Variants in ATP8A2 observed in about 807,000 individuals in gnomAD.
ATP8A2 encodes phospholipid-transporting ATPase IB.
A neutral mutation model predicts 165.6 loss-of-function variants in ATP8A2; 100 were observed. That is an observed-to-expected ratio of 0.60 (90% CI 0.51 to 0.71). The LOEUF is 0.71. ATP8A2 is among the 30% of genes least tolerant of loss of function. The pLI is 0.00. For missense variants in ATP8A2, 1,227 were observed against 1,479.5 expected, an observed-to-expected ratio of 0.83 and a Z score of 2.80; for synonymous variants, 543 against 548.8, an observed-to-expected ratio of 0.99 and a Z score of 0.15.
At chr13:25,469,201 G>T in intron 2 of ATP8A2, 80 bp downstream of exon 2, 1 of 1,519,802 alleles carries the variant, frequency 6.6e-7, no homozygotes, top group Non-Finnish European at 8.9e-7. Flanking sequence ...GCGGGGCTTG[G>T]CCGCGCACCT....
At chr13:25,895,435 C>T (rs1339626731) in intron 33 of ATP8A2, among the ~76,000 whole-genome samples, 1 of 152,164 alleles carries the variant, frequency 6.6e-6, no homozygotes, top group African/African-American at 2.4e-5. Context: ...TTCGGTTTGC[C>T]AGTATTTTAT....
chr13:25,818,984 A>G (rs1290839947), intron 27 of ATP8A2, among the ~76,000 whole-genome samples: 1 of 152,200 alleles, frequency 6.6e-6, no homozygotes, highest in East Asian at 1.9e-4. Flanking sequence ...AGTTGAAGTG[A>G]TGCTTATTTG....
At chr13:25,834,820 A>G (rs1211727937) in intron 28 of ATP8A2, among the ~76,000 whole-genome samples, 1 of 152,104 alleles carries the variant, frequency 6.6e-6, no homozygotes, top group Non-Finnish European at 1.5e-5. Context: ...GACTACAGGC[A>G]CACACTCTCT....
intron 33 of ATP8A2, among the ~76,000 whole-genome samples, chr13:25,867,293 A>G (rs573650230): frequency 3.9e-5 from 6 of 152,324 alleles, no homozygotes; most frequent in African/African-American, 1.2e-4. Flanking sequence ...TTAATTCCTC[A>G]TCTTCTCCAA....
chr13:25,378,453 G>C lies in ATP8A2; in HGVS notation c.76+6165G>C, dbSNP rs756676706. Among the ~76,000 whole-genome samples the C allele has an allele frequency of 7.2e-4, 109 of 151,916 alleles. 1 individual carries two copies. Among genetic ancestry groups the C allele is most frequent in the Admixed American group, 2.1e-3 (32 of 15,272 alleles). ...TAGAAAAAGCTGCATTCAGGAATAT[G>C]GTAAAATATTGCAGGAAGATTTATG... is the stretch of plus-strand genomic sequence containing the variant. On this transcript the variant is annotated intron_variant, in intron 1 of 36. Coordinates refer to ENST00000381655, the MANE Select transcript of ATP8A2 (RefSeq NM_016529.6).
intron 33 of ATP8A2, among the ~76,000 whole-genome samples, chr13:25,910,032 G>T (rs759274081): frequency 2.2e-4 from 33 of 152,178 alleles, no homozygotes; most frequent in Non-Finnish European, 2.5e-4. Flanking sequence ...TGCCTGTCCC[G>T]TCATCTGCTG....
chr13:25,509,722 C>A (rs191082460), intron 2 of ATP8A2, among the ~76,000 whole-genome samples: 32 of 152,026 alleles, frequency 2.1e-4, no homozygotes, highest in African/African-American at 7.7e-4. Flanking sequence ...TAATATTCTC[C>A]TTCTGTGATT....
At chr13:25,797,840 T>C (rs1035175633) in intron 27 of ATP8A2, among the ~76,000 whole-genome samples, 5 of 152,032 alleles carry the variant, frequency 3.3e-5, no homozygotes, top group Non-Finnish European at 7.3e-5. Flanking sequence ...TTCATAAAAT[T>C]AAAAGTGTTG....
intron 2 of ATP8A2, among the ~76,000 whole-genome samples, chr13:25,516,783 C>CTTTTT (rs770018909): frequency 7.4e-6 from 1 of 135,890 alleles, no homozygotes; most frequent in East Asian, 2.1e-4. Context: ...TTCTTTCTTA[C>CTTTTT]TTTTTTTTTT....
chr13:25,873,177 A>G (rs1037545652), intron 33 of ATP8A2, among the ~76,000 whole-genome samples: 6 of 152,308 alleles, frequency 3.9e-5, no homozygotes, highest in African/African-American at 9.6e-5. Context: ...CCTGACTTCT[A>G]TTTTAGTCAC....
intron 1 of ATP8A2, chr13:25,468,750 G>A (rs1473499809): frequency 1.2e-6 from 1 of 830,344 alleles, no homozygotes; most frequent in Middle Eastern, 6.1e-4. Context: ...AGCGCCAGGG[G>A]CCGCGCGGGG....
chr13:25,868,547 CT>C (rs11313323), intron 33 of ATP8A2, among the ~76,000 whole-genome samples: 18,301 of 152,108 alleles, frequency 0.12, 1,450 homozygotes, highest in Non-Finnish European at 0.18. Flanking sequence ...CACATTCTGG[CT>C]TTTCAACTCA....
chr13:25,723,302 T>C (rs1329433533), intron 25 of ATP8A2, among the ~76,000 whole-genome samples: 1 of 152,240 alleles, frequency 6.6e-6, no homozygotes, highest in African/African-American at 2.4e-5. Context: ...ATCTACATTC[T>C]TGCCAAGACT....
Position 25,820,949 on chromosome 13 carries a change from GT to G in ATP8A2, c.2680-7158del, listed in dbSNP as rs965131348. ...TTTTGTTTATGTTGGCTTTGGGTTT[GT>G]TTTTTTTTTTCTCTACCAAGTAAAT... On this transcript the variant is annotated intron_variant, in intron 27 of 36. Transcript: ENST00000381655. Among the ~76,000 whole-genome samples, 35 of 144,718 alleles carry G rather than the reference GT, an allele frequency of 2.4e-4. 1 individual carries two copies. Among genetic ancestry groups the G allele is most frequent in the South Asian group, 6.6e-4 (3 of 4,580 alleles). 94.9% of individuals were successfully genotyped at this position (144,718 alleles called of 152,430 possible).
intron 24 of ATP8A2, among the ~76,000 whole-genome samples, chr13:25,610,403 T>G (rs1396385357): frequency 1.3e-5 from 2 of 152,146 alleles, no homozygotes; most frequent in Non-Finnish European, 2.9e-5. Context: ...TTTCTTTGCT[T>G]TGTCGAGGAT....
At chr13:25,699,609 G>T (rs942952612) in intron 25 of ATP8A2, among the ~76,000 whole-genome samples, 28 of 152,286 alleles carry the variant, frequency 1.8e-4, no homozygotes, top group African/African-American at 5.3e-4. Flanking sequence ...CACCATGGGG[G>T]ATAAATTGGA....
At chr13:25,458,331 T>C (rs1479477079) in intron 1 of ATP8A2, among the ~76,000 whole-genome samples, 1 of 152,194 alleles carries the variant, frequency 6.6e-6, no homozygotes, top group Non-Finnish European at 1.5e-5. Context: ...CTTACAAGAG[T>C]TGGATGGCTT....
intron 33 of ATP8A2, chr13:25,868,045 T>A: frequency 2.3e-6 from 1 of 442,270 alleles, no homozygotes; most frequent in South Asian, 1.6e-5. Context: ...GAGAATTTCC[T>A]GTGTGCTGCC....
At chr13:25,613,175 C>T (rs1207190064) in intron 24 of ATP8A2, among the ~76,000 whole-genome samples, 1 of 152,150 alleles carries the variant, frequency 6.6e-6, no homozygotes, top group Non-Finnish European at 1.5e-5. Context: ...CTATTTGTTA[C>T]CTGAATACCT....
Sources: gnomAD v4.1 joint callset for allele counts (sites outside exome capture counted in the v4.1 genomes callset) on GRCh38, gnomAD v4.1.1 for gene constraint, MANE v1.5 for transcripts, NCBI Gene and HGNC (gene_info 2026-07-23, HGNC 2026-07-21) for gene names.